SPTB: variants seen among roughly 807,000 people sequenced by gnomAD.
SPTB encodes spectrin beta chain, erythrocytic.
A neutral mutation model predicts 256.2 loss-of-function variants in SPTB; 45 were observed. The observed-to-expected ratio is 0.18, with a 90% CI of 0.14 to 0.23. The LOEUF is 0.23. SPTB is among the 10% of genes least tolerant of loss of function. SPTB has a pLI of 1.00. For missense variants in SPTB, 2,715 were observed against 3,040.4 expected (o/e 0.89, Z 2.52); for synonymous variants, 1,231 against 1,243.1 (o/e 0.99, Z 0.21).
intron 1 of SPTB, among the ~76,000 whole-genome samples, chr14:64,846,420 A>C (rs1170061059): frequency 3.3e-5 from 5 of 152,270 alleles, no homozygotes; most frequent in Non-Finnish European, 7.3e-5. Context: ...AAGACAGCAC[A>C]CAGCTGCAGA....
At chr14:64,797,622 A>T in intron 10 of SPTB, 107 bp downstream of exon 10, 7 of 963,170 alleles carry the variant, frequency 7.3e-6, no homozygotes, top group Non-Finnish European at 1.2e-5. Context: ...GATTAATAAC[A>T]TCAAAGAAAG....
Position 64,772,847 on chromosome 14 carries a change from G to A in SPTB, c.5286C>T (p.His1762=). The change falls in exon 26 of 36, where the codon CAC becomes CAT. Residue 1762 remains histidine (H), a synonymous_variant. Coordinates refer to ENST00000644917, the MANE Select transcript of SPTB (RefSeq NM_001355436.2). The surrounding 1 kb of genome is among the most constrained non-coding windows in gnomAD (Gnocchi z 5.4). ...ACTCGGCGATGGTGGCCGCCTCGCT[G>A]TGGCCCGCGTCGATGAGTCGCTCGA... is the stretch of plus-strand genomic sequence containing the variant. ...AFIERLIDAG[H]SEAATIAEWK... The A allele has an allele frequency of 3.1e-6, 5 of 1,613,386 alleles. No individual in the cohort carries two copies. Among genetic ancestry groups the A allele is most frequent in the African/African-American group, 1.3e-5 (1 of 75,048 alleles).
At chr14:64,865,048 C>G (rs6573580) in intron 1 of SPTB, among the ~76,000 whole-genome samples, 123,047 of 151,940 alleles carry the variant, frequency 0.81, 51,306 homozygotes, top group Non-Finnish European at 0.91. Context: ...TAGATTTTAT[C>G]TATATAACAT....
chr14:64,877,516 T>G (rs1882882608), intron 1 of SPTB, among the ~76,000 whole-genome samples: 1 of 152,340 alleles, frequency 6.6e-6, no homozygotes, highest in Admixed American at 6.5e-5. Flanking sequence ...TGAACCTGTT[T>G]CCTTACTTGT....
rs2012515 is a variant in SPTB, at chr14:64,775,561, G to A, written c.4564-158C>T. Reference sequence around the variant, plus strand: ...ATAAGAACTACCAATGACCTCTTGCGGGCTGCTAAGCACCTCATGTGCACC... The same window carrying A: ...ATAAGAACTACCAATGACCTCTTGCAGGCTGCTAAGCACCTCATGTGCACC... On this transcript the variant is annotated intron_variant, in intron 22 of 35. Transcript: ENST00000644917. The surrounding 1 kb of genome is among the most constrained non-coding windows in gnomAD (Gnocchi z 5.0). Among the ~76,000 whole-genome samples the A allele has an allele frequency of 4.4e-4, 67 of 152,234 alleles. No individual in the cohort carries two copies. The highest frequency in any genetic ancestry group is 6.8e-3 in the Middle Eastern group (2 of 294).
At chr14:64,763,799 G>A (rs759445907) in intron 32 of SPTB, 13 of 518,896 alleles carry the variant, frequency 2.5e-5, no homozygotes, top group Admixed American at 1.7e-4. Flanking sequence ...GTGCTCTAAT[G>A]TAAAAAGGCA....
chr14:64,795,369 G>C lies in SPTB; in HGVS notation c.1612C>G (p.Leu538Val). Residue 538 changes from leucine to valine, a missense_variant, in exon 12 of 36, where the codon CTG becomes GTG. Leu to Val is a conservative substitution (Grantham distance 32, BLOSUM62 1). Around this residue, in one of 4 missense-constraint regions of SPTB, gnomAD observed 2,239 missense variants for 2,384.4 expected, o/e 0.94. Transcript: ENST00000644917. This position sits in a 1 kb window ranked among gnomAD's most constrained non-coding sequence, Gnocchi z 6.5. The part of the protein sequence containing the change: ...LALQKLFQDM[L>V]HSIDWMDEIK... ...TCATCCATCCAGTCGATGCTGTGCAGCATGTCCTGGAAGAGCTTCTGCAGT... is the reference window on the plus strand; with the variant it reads ...TCATCCATCCAGTCGATGCTGTGCACCATGTCCTGGAAGAGCTTCTGCAGT... 6.2e-7 allele frequency: 1 copy of C among 1,612,974 alleles called. No homozygotes were observed. The highest frequency in any genetic ancestry group is 1.1e-5 in the South Asian group (1 of 91,084).
chr14:64,763,404 TTAC>T (rs1472715720), intron 32 of SPTB, among the ~76,000 whole-genome samples: 3 of 152,192 alleles, frequency 2.0e-5, no homozygotes, highest in Non-Finnish European at 4.4e-5. Flanking sequence ...CCCCAGCCCT[TTAC>T]TACTTCTTTC....
At chr14:64,771,166 A>C in intron 26 of SPTB, 37 bp from the exon 27 acceptor site, 1 of 1,610,638 alleles carries the variant, frequency 6.2e-7, no homozygotes. Context: ...TTCCCTGGAC[A>C]TTGCTCCCTA....
Position 64,782,296 on chromosome 14 carries a change from C to T in SPTB, c.4260G>A (p.Lys1420=). ...CTACAACCCACTCACGTGCCTTCAG[C>T]TTAGCCAACATCCGATTGACACTGG... ...DLTSVNRMLA[K]LKRVEDQVNV... is the part of the protein sequence containing the mutation. Residue 1420 remains lysine (K), a synonymous_variant, in exon 20 of 36, where the codon AAG becomes AAA. Transcript: ENST00000644917. The T allele has an allele frequency of 6.2e-7, 1 of 1,614,246 alleles. No individual in the cohort carries two copies. Among genetic ancestry groups the T allele is most frequent in the South Asian group, 1.1e-5 (1 of 91,088 alleles).
chr14:64,819,047 G>A (rs1458976130), intron 2 of SPTB, among the ~76,000 whole-genome samples: 2 of 152,162 alleles, frequency 1.3e-5, no homozygotes, highest in African/African-American at 2.4e-5. Context: ...GGATCTACAG[G>A]GCAAATATTC....
chr14:64,863,190 A>G (rs970776425), intron 1 of SPTB, among the ~76,000 whole-genome samples: 3 of 152,200 alleles, frequency 2.0e-5, no homozygotes, highest in East Asian at 1.9e-4. Flanking sequence ...GTCAAAACCA[A>G]TCTTGGCTTC....
At chr14:64,770,740 A>C (rs2082267409) in intron 27 of SPTB, 145 bp downstream of exon 27, 1 of 1,286,446 alleles carries the variant, frequency 7.8e-7, no homozygotes, top group Non-Finnish European at 1.1e-6. Flanking sequence ...ATCCAGCCTC[A>C]GGCCTCAAGT....
intron 1 of SPTB, among the ~76,000 whole-genome samples, chr14:64,843,614 G>T (rs1358662662): frequency 6.6e-6 from 1 of 152,164 alleles, no homozygotes; most frequent in Non-Finnish European, 1.5e-5. Context: ...GTGACATTTT[G>T]TCAAGGGTTA....
chr14:64,762,546 G>A (rs184172884), intron 32 of SPTB, among the ~76,000 whole-genome samples: 33 of 152,328 alleles, frequency 2.2e-4, no homozygotes, highest in African/African-American at 7.5e-4. Flanking sequence ...GTTCGTAAGT[G>A]CTGGTTACTT....
At position 64,772,263 on chromosome 14, in the gene SPTB, A is replaced by C. The variant is rs1226650234; in HGVS notation, c.5553+317T>G. 6.6e-6 allele frequency among the ~76,000 whole-genome samples: 1 copy of C among 152,240 alleles called. No individual in the cohort carries two copies. ...ACTGCCATGAGGGTCCAGCGGCTAC[A>C]TACATTGCTCAGAAGAGCACCTGGT... On this transcript the variant is annotated intron_variant, in intron 26 of 35. Transcript: ENST00000644917. This position sits in a 1 kb window ranked among gnomAD's most constrained non-coding sequence, Gnocchi z 5.4.
rs893555735 is a variant in SPTB, at chr14:64,866,576, G to A, written c.-52+13216C>T. 2.0e-5 allele frequency among the ~76,000 whole-genome samples: 3 copies of A among 152,162 alleles called. No individual in the cohort carries two copies. The highest frequency in any genetic ancestry group is 1.9e-4 in the East Asian group (1 of 5,192). On this transcript the variant is annotated intron_variant, in intron 1 of 35. Transcript: ENST00000644917. This position sits in a 1 kb window ranked among gnomAD's most constrained non-coding sequence, Gnocchi z 4.6. Reference sequence around the variant, plus strand: ...TCCTATCAGTCACTGGGTGCAGGACGAGGCAGGAGAAGAGAGCGGCTGGAT... The same window carrying A: ...TCCTATCAGTCACTGGGTGCAGGACAAGGCAGGAGAAGAGAGCGGCTGGAT...
intron 1 of SPTB, among the ~76,000 whole-genome samples, chr14:64,829,779 G>A (rs902783769): frequency 2.0e-5 from 3 of 152,082 alleles, no homozygotes; most frequent in Non-Finnish European, 4.4e-5. Flanking sequence ...ATATGCCTTA[G>A]GCACAACTGG....
In SPTB at chr14:64,802,087, A is replaced by G; in HGVS notation, c.566+139T>C. On this transcript the variant is annotated intron_variant, in intron 5 of 35. Transcript: ENST00000644917. The surrounding 1 kb of genome is among the most constrained non-coding windows in gnomAD (Gnocchi z 5.1). ...ATTCCAGGCCTCAAAGAATCAGGTC[A>G]GGACAGACTTTGCATCAATTACAGG... 1 of 940,036 alleles carries G rather than the reference A, an allele frequency of 1.1e-6. No individual in the cohort carries two copies. The highest frequency in any genetic ancestry group is 1.7e-6 in the Non-Finnish European group (1 of 589,776). The allele number at this position is 940,036 out of a possible 1,614,324, so 58.2% of individuals were successfully genotyped here. A position where few individuals can be genotyped will look rare whatever the true frequency, so the allele number is the denominator to read the frequency against.
Sources: gnomAD v4.1 joint callset for allele counts (sites outside exome capture counted in the v4.1 genomes callset) on GRCh38, gnomAD v4.1.1 for gene constraint, gnomAD v4.1.1 regional missense constraint, Gnocchi (gnomAD v3.1) non-coding constraint, MANE v1.5 for transcripts, NCBI Gene and HGNC (gene_info 2026-07-23, HGNC 2026-07-21) for gene names.